The following ADAM28 variants were observed in gnomAD, a reference collection of about 807,000 sequenced individuals.
ADAM28 encodes disintegrin and metalloproteinase domain-containing protein 28.
ADAM28 carries 105 observed loss-of-function variants against 101.2 expected under a neutral mutation model. The ratio of observed to expected loss-of-function variants is 1.04; its 90% CI spans 0.89 to 1.22. The LOEUF (loss-of-function observed/expected upper bound fraction) is 1.22, where lower values mean the gene tolerates loss of function less well. ADAM28 is among the 50% of genes most tolerant of loss of function. ADAM28 has a pLI of 0.00. For synonymous variants in ADAM28, 322 were observed against 310.6 expected (o/e 1.04, Z -0.39); for missense variants, 1,028 against 945.4 (o/e 1.09, Z -1.15).
chr8:24,329,970 C>T lies in ADAM28; in HGVS notation c.973-15C>T, dbSNP rs780730153. The T allele has an allele frequency of 6.3e-7, 1 of 1,588,244 alleles. No homozygotes were observed. The highest frequency in any genetic ancestry group is 1.1e-5 in the South Asian group (1 of 88,302). ...TCGAAAATCAGAGAATCTTTTTCTT[C>T]TTTCATACCTTTAGGACCACAGCGA... On this transcript the variant is annotated splice_polypyrimidine_tract_variant and intron_variant, in intron 10 of 22. Coordinates refer to ENST00000265769, the MANE Select transcript of ADAM28 (RefSeq NM_014265.6).
intron 1 of ADAM28, among the ~76,000 whole-genome samples, chr8:24,298,843 A>G (rs565294258): frequency 5.6e-4 from 85 of 152,280 alleles, no homozygotes; most frequent in Non-Finnish European, 8.8e-4. Flanking sequence ...GGGCAAATCA[A>G]AAAGAAAATA....
chr8:24,321,130 T>C, intron 7 of ADAM28, 88 bp from the exon 8 acceptor site: 1 of 708,732 alleles, frequency 1.4e-6, no homozygotes, highest in South Asian at 1.8e-5. Context: ...AAATCAATAA[T>C]AAGTAATATA....
chr8:24,332,759 T>C lies in ADAM28; in HGVS notation c.1371+10T>C, dbSNP rs1199674170. The C allele has an allele frequency of 1.5e-6, 2 of 1,347,106 alleles. No individual in the cohort carries two copies. Among genetic ancestry groups the C allele is most frequent in the South Asian group, 3.6e-5 (2 of 55,090 alleles). The allele number at this position is 1,347,106 out of a possible 1,614,324, so 83.4% of individuals were successfully genotyped here. A position where few individuals can be genotyped will look rare whatever the true frequency, so the allele number is the denominator to read the frequency against. On this transcript the variant is annotated intron_variant, in intron 13 of 22. Coordinates refer to ENST00000265769, the MANE Select transcript of ADAM28 (RefSeq NM_014265.6). ...TTGTGAAAAATGCCAAGTAAGATTA[T>C]TTTATTCTATTTTAATAATTATGAT...
intron 2 of ADAM28, chr8:24,300,782 T>C (rs956950801): frequency 6.6e-6 from 1 of 152,196 alleles, no homozygotes; most frequent in Non-Finnish European, 1.5e-5. Context: ...TATCTCTCTA[T>C]CTATCCATCC....
rs1489348958 is a variant in ADAM28 at position 24,306,355 on chromosome 8, A to ATATATATATATAT, written c.151-3539_151-3538insTATATATATATAT. 3.3e-3 allele frequency among the ~76,000 whole-genome samples: 355 copies of ATATATATATATAT among 107,574 alleles called. 11 individuals carry two copies. Among genetic ancestry groups the ATATATATATATAT allele is most frequent in the East Asian group, 4.6e-3 (12 of 2,612 alleles). 70.6% of individuals were successfully genotyped at this position (107,574 alleles called of 152,430 possible). A position where few individuals can be genotyped will look rare whatever the true frequency, so the allele number is the denominator to read the frequency against. On this transcript the variant is annotated intron_variant, in intron 2 of 22. Coordinates refer to ENST00000265769, the MANE Select transcript of ADAM28 (RefSeq NM_014265.6). ...TGAGACTCCATCTCAAATACAAATA[A>ATATATATATATAT]ATAAATAAATATATATATATATATA...
intron 5 of ADAM28, among the ~76,000 whole-genome samples, chr8:24,311,887 C>T (rs552237273): frequency 5.3e-5 from 8 of 152,008 alleles, no homozygotes; most frequent in Non-Finnish European, 8.8e-5. Context: ...TACAGATGCC[C>T]GCCACCACAC....
At chr8:24,329,617 C>A (rs1440778103) in intron 10 of ADAM28, among the ~76,000 whole-genome samples, 1 of 151,984 alleles carries the variant, frequency 6.6e-6, no homozygotes, top group Non-Finnish European at 1.5e-5. Context: ...ATTTTAGATC[C>A]CTGATGGCCA....
chr8:24,325,889 A>AAAAAAAAAAAAAAAAAAAAAAAAAAAAC (rs1563297002), intron 9 of ADAM28, among the ~76,000 whole-genome samples: 3 of 141,924 alleles, frequency 2.1e-5, no homozygotes, highest in African/African-American at 8.3e-5. Context: ...AAAAAAAAAA[A>AAAAAAAAAAAAAAAAAAAAAAAAAAAAC]AAAAAAAAAA....
chr8:24,341,618 T>C lies in ADAM28; in HGVS notation c.1691T>C (p.Leu564Ser). ...CKANDTMCGK[L>S]FCQGGSDNLP... is the part of the protein sequence containing the mutation. ...CTCAGTGATACCATGTGTGGGAAGT[T>C]GTTCTGTCAAGGTGGGTCGGATAAT... Residue 564 changes from leucine (L) to serine (S), a missense_variant, in exon 16 of 23, where the codon TTG (leucine) becomes TCG (serine). Transcript: ENST00000265769. The C allele has an allele frequency of 6.2e-7, 1 of 1,613,374 alleles. No homozygotes were observed. Among genetic ancestry groups the C allele is most frequent in the Admixed American group, 1.7e-5 (1 of 59,904 alleles).
At chr8:24,299,701 C>A in intron 1 of ADAM28, 1 of 213,580 alleles carries the variant, frequency 4.7e-6, no homozygotes, top group East Asian at 1.1e-4. Context: ...TGGGAAAATC[C>A]AAAAGAAATA....
chr8:24,310,283 C>G (rs1427426416), intron 4 of ADAM28, 42 bp downstream of exon 4: 4 of 1,572,470 alleles, frequency 2.5e-6, no homozygotes, highest in Non-Finnish European at 3.5e-6. Context: ...GGGTTTTACC[C>G]ACAGACCTAA....
At position 24,300,007 on chromosome 8, in the gene ADAM28, A is replaced by G. The variant is rs1471119691; in HGVS notation, c.80A>G (p.Lys27Arg). ...ATAAAAGAACTCCCTGGGGTGAAGA[A>G]GTATGAAGTGGTTTATCCTATAAGA... ...SAIKELPGVK[K>R]YEVVYPIRLH... Residue 27 changes from lysine to arginine, a missense_variant, in exon 2 of 23, where the codon AAG becomes AGG. By Grantham distance (26) the Lys-to-Arg change is conservative. Transcript: ENST00000265769. The G allele has an allele frequency of 1.9e-6, 3 of 1,613,512 alleles. No individual in the cohort carries two copies. The South Asian group carries it at 3.3e-5, about 18-fold the overall frequency.
chr8:24,343,436 T>A, intron 17 of ADAM28, 70 bp from the exon 18 acceptor site: 1 of 1,472,482 alleles, frequency 6.8e-7, no homozygotes, highest in Non-Finnish European at 9.5e-7. Context: ...TGAACTTTAT[T>A]ATGGATGAGT....
chr8:24,348,377 A>C (rs1290524581), intron 18 of ADAM28, among the ~76,000 whole-genome samples: 1 of 152,138 alleles, frequency 6.6e-6, no homozygotes, highest in African/African-American at 2.4e-5. Flanking sequence ...GTATTCGTTG[A>C]TGGTAACAAA....
Position 24,358,380 on chromosome 8 carries a change from A to G in ADAM28, c.*3976A>G, listed in dbSNP as rs2129351092. 6.6e-6 allele frequency: 1 copy of G among 152,332 alleles called. No homozygotes were observed. Among genetic ancestry groups the G allele is most frequent in the Non-Finnish European group, 1.5e-5 (1 of 68,014 alleles). 9.4% of individuals were successfully genotyped at this position (152,332 alleles called of 1,614,324 possible). A position where few individuals can be genotyped will look rare whatever the true frequency, so the allele number is the denominator to read the frequency against. On this transcript the variant is annotated 3_prime_UTR_variant, in exon 23 of 23. Transcript: ENST00000265769. ...ATAATTTGCATACACTAGCATCTGG[A>G]TGTAATATGGAAAAATATGGAAATG...
chr8:24,321,371 A>C (rs553468365), intron 8 of ADAM28, 82 bp downstream of exon 8: 1 of 1,161,958 alleles, frequency 8.6e-7, no homozygotes, highest in South Asian at 1.2e-5. Context: ...CACATGAAGC[A>C]TGGAAGCAAA....
chr8:24,348,374 T>C (rs1361445301), intron 18 of ADAM28, among the ~76,000 whole-genome samples: 2 of 152,152 alleles, frequency 1.3e-5, no homozygotes, highest in Non-Finnish European at 2.9e-5. Context: ...GGAGTATTCG[T>C]TGATGGTAAC....
chr8:24,313,290 A>G (rs1810713900), intron 5 of ADAM28, 98 bp from the exon 6 acceptor site: 5 of 1,153,626 alleles, frequency 4.3e-6, no homozygotes, highest in Non-Finnish European at 6.0e-6. Flanking sequence ...TTTGACATTG[A>G]CTAGGAATTT....
chr8:24,304,910 C>A (rs1440501900), intron 2 of ADAM28, among the ~76,000 whole-genome samples: 2 of 141,198 alleles, frequency 1.4e-5, no homozygotes, highest in Non-Finnish European at 3.0e-5. Flanking sequence ...GAGTGAAACT[C>A]CTTCTCAAAA....
Sources: allele counts gnomAD v4.1 joint callset (sites outside exome capture counted in the v4.1 genomes callset), GRCh38; gene constraint gnomAD v4.1.1; transcripts MANE v1.5; gene names NCBI Gene and HGNC (gene_info 2026-07-23, HGNC 2026-07-21).